The following PPP2R2D variants were observed in gnomAD, a reference collection of about 807,000 sequenced individuals.
The protein encoded by PPP2R2D is serine/threonine-protein phosphatase 2A 55 kDa regulatory subunit B delta isoform.
In PPP2R2D, 9 loss-of-function variants were observed where a neutral mutation model predicts 31.1. The ratio of observed to expected loss-of-function variants is 0.29; its 90% confidence interval spans 0.17 to 0.51. PPP2R2D has a LOEUF of 0.51. PPP2R2D is among the 20% of genes least tolerant of loss of function. The pLI, the probability that PPP2R2D is intolerant of heterozygous loss-of-function variation, is 0.98. For missense variants in PPP2R2D, 391 were observed against 465.6 expected (o/e 0.84, Z 1.48); for synonymous variants, 179 against 172.6 (o/e 1.04, Z -0.29).
downstream of PPP2R2D, among the ~76,000 whole-genome samples, chr10:131,960,837 G>A (rs542782362): frequency 2.6e-5 from 4 of 152,336 alleles, no homozygotes; most frequent in South Asian, 8.3e-4. Context: ...GAGCCAGCAG[G>A]AGTCCGGGCT....
rs1459766598 is a variant in PPP2R2D at position 131,916,222 on chromosome 10, C to G, written c.100+14892C>G. On this transcript the variant is annotated intron_variant, in intron 2 of 8. Coordinates refer to ENST00000455566, the MANE Select transcript of PPP2R2D (RefSeq NM_018461.5). Reference sequence around the variant, plus strand: ...GAGGCGCACACACAGCACCCAGAGGCGGGCTCTGTGGAGTTCGCATCTATA... The same window carrying G: ...GAGGCGCACACACAGCACCCAGAGGGGGGCTCTGTGGAGTTCGCATCTATA... Among the ~76,000 whole-genome samples the G allele has an allele frequency of 2.0e-5, 3 of 151,996 alleles. No homozygotes were observed. In the East Asian group the frequency reaches 5.8e-4, roughly 29 times the overall value.
At chr10:131,922,289 C>G (rs575366098) in intron 2 of PPP2R2D, among the ~76,000 whole-genome samples, 1 of 152,210 alleles carries the variant, frequency 6.6e-6, no homozygotes, top group Admixed American at 6.5e-5. Context: ...ATTGTTAATG[C>G]TGATGTATTC....
At chr10:131,937,999 G>A (rs1386507432) in intron 3 of PPP2R2D, among the ~76,000 whole-genome samples, 4 of 151,950 alleles carry the variant, frequency 2.6e-5, no homozygotes, top group Admixed American at 6.5e-5. Flanking sequence ...GACTCAGTGC[G>A]GCGGACAGGG....
At chr10:131,968,827 C>A in the PPP2R2D span, 8 of 351,930 alleles carry the variant, frequency 2.3e-5, no homozygotes, top group Admixed American at 3.1e-4. Flanking sequence ...AATGCTGTTT[C>A]CACACAGAAA....
At chr10:131,967,993 T>G in the PPP2R2D span, 1 of 152,754 alleles carries the variant, frequency 6.5e-6, no homozygotes, top group Non-Finnish European at 1.5e-5. Context: ...CTGTTGATTA[T>G]GAACAATTAG....
Position 131,947,391 on chromosome 10 carries a change from CAG to C in PPP2R2D, c.821-137_821-136del. 1 of 853,038 alleles carries C rather than the reference CAG, an allele frequency of 1.2e-6. No homozygotes were observed. The highest frequency in any genetic ancestry group is 1.8e-5 in the South Asian group (1 of 54,362). The allele number at this position is 853,038 out of a possible 1,614,324, so 52.8% of individuals were successfully genotyped here. A position where few individuals can be genotyped will look rare whatever the true frequency, so the allele number is the denominator to read the frequency against. Reference sequence around the variant, plus strand: ...CAGAAGATCAGAAAACCTAGAGAATCAGAAAGATCAGAAGACCTAGTGTTGAG... The same window carrying C: ...CAGAAGATCAGAAAACCTAGAGAATCAAAGATCAGAAGACCTAGTGTTGAG... On this transcript the variant is annotated intron_variant, in intron 7 of 8. Coordinates refer to ENST00000455566, the MANE Select transcript of PPP2R2D (RefSeq NM_018461.5). This position sits in a 1 kb window ranked among gnomAD's most constrained non-coding sequence, Gnocchi z 4.3.
intron 2 of PPP2R2D, among the ~76,000 whole-genome samples, chr10:131,924,351 T>C (rs1424885075): frequency 6.6e-6 from 1 of 152,134 alleles, no homozygotes; most frequent in Admixed American, 6.5e-5. Context: ...TTATATATAA[T>C]TTTTATATGT....
chr10:131,908,349 A>G (rs2035630422), intron 2 of PPP2R2D, among the ~76,000 whole-genome samples: 1 of 151,674 alleles, frequency 6.6e-6, no homozygotes, highest in African/African-American at 2.4e-5. Context: ...TTCTAAATCC[A>G]CCTCCAATCC....
chr10:131,935,829 C>T (rs1332823049), intron 3 of PPP2R2D, among the ~76,000 whole-genome samples: 3 of 151,980 alleles, frequency 2.0e-5, no homozygotes, highest in African/African-American at 4.8e-5. Flanking sequence ...TTTGGGAGGC[C>T]GAGGTGGGCT....
chr10:131,951,473 A>G (rs2036634834), intron 8 of PPP2R2D, among the ~76,000 whole-genome samples: 1 of 152,258 alleles, frequency 6.6e-6, no homozygotes, highest in Admixed American at 6.5e-5. Context: ...AGGAATGCGT[A>G]CGGTGCAATG....
At chr10:131,952,492 G>A (rs1353960265) in intron 8 of PPP2R2D, among the ~76,000 whole-genome samples, 1 of 92,732 alleles carries the variant, frequency 1.1e-5, no homozygotes, top group Non-Finnish European at 2.1e-5. Flanking sequence ...TGTGCGGGGG[G>A]GTTCACTGTC....
the PPP2R2D span, chr10:131,971,180 C>G: frequency 1.8e-6 from 1 of 570,780 alleles, no homozygotes; most frequent in African/African-American, 1.9e-5. Flanking sequence ...CGCTCGCCGC[C>G]TCCAGGGACA....
chr10:131,915,088 ATT>A (rs550013773), intron 2 of PPP2R2D, among the ~76,000 whole-genome samples: 2 of 143,964 alleles, frequency 1.4e-5, no homozygotes, highest in African/African-American at 5.1e-5. Flanking sequence ...AATACCTTAA[ATT>A]TTTTTTTTTT....
At chr10:131,905,562 A>G (rs1449675808) in intron 2 of PPP2R2D, among the ~76,000 whole-genome samples, 1 of 152,188 alleles carries the variant, frequency 6.6e-6, no homozygotes. Context: ...CACGAAGGTC[A>G]TGATAGGTAA....
At chr10:131,930,911 T>A (rs2036209518) in intron 2 of PPP2R2D, among the ~76,000 whole-genome samples, 1 of 152,214 alleles carries the variant, frequency 6.6e-6, no homozygotes, top group Non-Finnish European at 1.5e-5. Context: ...CACTCTGCCC[T>A]TTGGAGGAGA....
Position 131,901,048 on chromosome 10 carries a change from C to A in PPP2R2D, c.-101C>A. On this transcript the variant is annotated 5_prime_UTR_variant, in exon 1 of 9. Coordinates refer to ENST00000455566, the MANE Select transcript of PPP2R2D (RefSeq NM_018461.5). Reference sequence around the variant, plus strand: ...GCGGCGGCGGCGGCGGCGGCGGCGCCGGCGGTGGTGGCGGCCCCGGGGCTG... The same window carrying A: ...GCGGCGGCGGCGGCGGCGGCGGCGCAGGCGGTGGTGGCGGCCCCGGGGCTG... The A allele has an allele frequency of 6.1e-6, 1 of 162,668 alleles. No homozygotes were observed. Among genetic ancestry groups the A allele is most frequent in the Non-Finnish European group, 1.3e-5 (1 of 77,354 alleles). 10.1% of individuals were successfully genotyped at this position (162,668 alleles called of 1,614,324 possible). A position where few individuals can be genotyped will look rare whatever the true frequency, so the allele number is the denominator to read the frequency against.
rs1381433670 is a variant in PPP2R2D, at chr10:131,901,036, C to CGGCGGCGGCGCCGGCGGTGGT, written c.-106_-86dup. ...AATCCCTCCCCGGCGGCGGCGGCGG[C>CGGCGGCGGCGCCGGCGGTGGT]GGCGGCGGCGCCGGCGGTGGTGGCG... is the stretch of plus-strand genomic sequence containing the variant. On this transcript the variant is annotated 5_prime_UTR_variant, in exon 1 of 9. Coordinates refer to ENST00000455566, the MANE Select transcript of PPP2R2D (RefSeq NM_018461.5). 6.3e-6 allele frequency: 1 copy of CGGCGGCGGCGCCGGCGGTGGT among 159,284 alleles called. No individual in the cohort carries two copies. The highest frequency in any genetic ancestry group is 2.4e-5 in the African/African-American group (1 of 41,018). The allele number at this position is 159,284 out of a possible 1,614,324, so 9.9% of individuals were successfully genotyped here.
intron 2 of PPP2R2D, among the ~76,000 whole-genome samples, chr10:131,904,218 AAG>A (rs1491413940): frequency 6.7e-6 from 1 of 148,470 alleles, no homozygotes; most frequent in Non-Finnish European, 1.5e-5. Context: ...AAAAAAAAAA[AAG>A]GAGAGAGATG....
intron 2 of PPP2R2D, among the ~76,000 whole-genome samples, chr10:131,931,747 G>A (rs573202168): frequency 2.6e-5 from 4 of 152,332 alleles, no homozygotes; most frequent in African/African-American, 7.2e-5. Flanking sequence ...GTGGGCCTGG[G>A]CTTTTCAGCT....
Sources: gnomAD v4.1 joint callset for allele counts (sites outside exome capture counted in the v4.1 genomes callset) on GRCh38, gnomAD v4.1.1 for gene constraint, Gnocchi (gnomAD v3.1) non-coding constraint, MANE v1.5 for transcripts, NCBI Gene and HGNC (gene_info 2026-07-23, HGNC 2026-07-21) for gene names.